COG5: variants seen among roughly 807,000 people sequenced by gnomAD.
COG5 encodes the protein conserved oligomeric Golgi complex subunit 5.
In COG5, 86 loss-of-function variants were observed where a neutral mutation model predicts 110.4. That is an observed-to-expected ratio of 0.78 (90% confidence interval 0.65 to 0.93). COG5 has a LOEUF of 0.93. Among genes scored for constraint, COG5 ranks in the 40% least tolerant of loss-of-function variants. The pLI is 0.00. For missense variants in COG5, 1,077 were observed against 987.0 expected (o/e 1.09, Z -1.22); for synonymous variants, 360 against 334.6 (o/e 1.08, Z -0.83).
At chr7:107,530,207 C>T (rs1393855640) in intron 5 of COG5, among the ~76,000 whole-genome samples, 2 of 152,196 alleles carry the variant, frequency 1.3e-5, no homozygotes, top group Non-Finnish European at 2.9e-5. Context: ...AAGCATCACC[C>T]TAATCCACAT....
intron 6 of COG5, among the ~76,000 whole-genome samples, chr7:107,511,273 G>A (rs992344086): frequency 2.8e-4 from 42 of 152,236 alleles, no homozygotes; most frequent in East Asian, 5.8e-4. Context: ...ACACCTCTAC[G>A]CAAATAAACT....
chr7:107,427,010 A>G (rs1437182780), intron 6 of COG5, among the ~76,000 whole-genome samples: 1 of 152,190 alleles, frequency 6.6e-6, no homozygotes, highest in Admixed American at 6.5e-5. Flanking sequence ...ATATCCGAGT[A>G]ATCTCTGACT....
At chr7:107,371,950 G>A (rs1436888775) in intron 8 of COG5, among the ~76,000 whole-genome samples, 1 of 152,152 alleles carries the variant, frequency 6.6e-6, no homozygotes, top group African/African-American at 2.4e-5. Flanking sequence ...AAGTAAGTAA[G>A]GATGGACATA....
rs984832683 is a variant in COG5, at chr7:107,469,743, A to G, written c.539-57111T>C. On this transcript the variant is annotated intron_variant, in intron 6 of 21. Transcript: ENST00000297135. Reference sequence around the variant, plus strand: ...TATCAAGGCTTTAGAAAGCATATATACTTTTTACTATGTAATTCTTTCCTG... The same window carrying G: ...TATCAAGGCTTTAGAAAGCATATATGCTTTTTACTATGTAATTCTTTCCTG... 2.0e-5 allele frequency among the ~76,000 whole-genome samples: 3 copies of G among 152,210 alleles called. No individual in the cohort carries two copies. In the East Asian group the frequency reaches 5.8e-4, roughly 29 times the overall value.
intron 11 of COG5, among the ~76,000 whole-genome samples, chr7:107,315,344 T>C (rs144020387): frequency 4.6e-5 from 7 of 152,282 alleles, no homozygotes; most frequent in African/African-American, 1.7e-4. Flanking sequence ...GTATCTCTTA[T>C]TCATTCTTGG....
At chr7:107,334,679 C>T (rs921413652) in intron 10 of COG5, among the ~76,000 whole-genome samples, 53 of 151,234 alleles carry the variant, frequency 3.5e-4, no homozygotes, top group African/African-American at 1.3e-3. Context: ...CTGTATTCAA[C>T]AAAGCTATGC....
chr7:107,208,776 T>C (rs1798949044), intron 21 of COG5: 3 of 985,478 alleles, frequency 3.0e-6, no homozygotes, highest in Non-Finnish European at 3.6e-6. Context: ...AGAGGGCCAG[T>C]GGCTCATGTG....
At chr7:107,285,665 C>T (rs985772522) in intron 12 of COG5, among the ~76,000 whole-genome samples, 3 of 151,922 alleles carry the variant, frequency 2.0e-5, no homozygotes, top group African/African-American at 7.3e-5. Context: ...CCAAGTATTT[C>T]CTAGGTGCAG....
At chr7:107,433,796 CA>C (rs1311360441) in intron 6 of COG5, among the ~76,000 whole-genome samples, 2 of 151,638 alleles carry the variant, frequency 1.3e-5, no homozygotes, top group Non-Finnish European at 2.9e-5. Flanking sequence ...AAATCACAGG[CA>C]AAAAAAGTTA....
At chr7:107,494,573 C>T (rs1360437458) in intron 6 of COG5, among the ~76,000 whole-genome samples, 1 of 152,082 alleles carries the variant, frequency 6.6e-6, no homozygotes, top group Non-Finnish European at 1.5e-5. Flanking sequence ...ATAGGATATA[C>T]CATATAGCCT....
intron 10 of COG5, among the ~76,000 whole-genome samples, chr7:107,358,587 G>C (rs977309487): frequency 6.6e-6 from 1 of 152,164 alleles, no homozygotes; most frequent in Admixed American, 6.5e-5. Context: ...TAGCATCTAG[G>C]AACTCAGATT....
At chr7:107,418,995 G>C (rs1793084171) in intron 6 of COG5, among the ~76,000 whole-genome samples, 1 of 152,050 alleles carries the variant, frequency 6.6e-6, no homozygotes, top group Non-Finnish European at 1.5e-5. Flanking sequence ...GGTTGGTCTT[G>C]AACTCCTGAA....
chr7:107,205,965 T>TA (rs1798743951), intron 21 of COG5, among the ~76,000 whole-genome samples: 1 of 151,676 alleles, frequency 6.6e-6, no homozygotes. Flanking sequence ...TTTTTTTTTT[T>TA]TTTTTATTTT....
At chr7:107,537,031 A>T (rs1242582517) in intron 5 of COG5, among the ~76,000 whole-genome samples, 2 of 152,214 alleles carry the variant, frequency 1.3e-5, no homozygotes, top group Non-Finnish European at 2.9e-5. Context: ...TGGGGAAAGG[A>T]TTCCCTATTT....
intron 11 of COG5, among the ~76,000 whole-genome samples, chr7:107,299,867 A>C: frequency 8.4e-6 from 1 of 118,446 alleles, no homozygotes; most frequent in Non-Finnish European, 1.9e-5. Context: ...ATCTGGAATT[A>C]TCTGGAATAT....
At chr7:107,475,372 T>G in intron 6 of COG5, 2 of 1,268,958 alleles carry the variant, frequency 1.6e-6, no homozygotes, top group Non-Finnish European at 2.2e-6. Context: ...GAGAAAAGTC[T>G]CAGTTTCACC....
rs1173977185 is a variant in COG5, at chr7:107,370,779, G to C, written c.835+1816C>G. Among the ~76,000 whole-genome samples, 3 of 99,040 alleles carry C rather than the reference G, an allele frequency of 3.0e-5. No homozygotes were observed. In the South Asian group the frequency reaches 8.6e-4, roughly 28 times the overall value. 65.0% of individuals were successfully genotyped at this position (99,040 alleles called of 152,430 possible). ...CTAGCTTGGGTGACCAGAAACTCCAGCTAAAAAAAAAAAAAAAAAAATTTA... is the reference window on the plus strand; with the variant it reads ...CTAGCTTGGGTGACCAGAAACTCCACCTAAAAAAAAAAAAAAAAAAATTTA... On this transcript the variant is annotated intron_variant, in intron 8 of 21. Transcript: ENST00000297135.
chr7:107,327,283 T>G (rs1809856438), intron 10 of COG5, among the ~76,000 whole-genome samples: 2 of 152,020 alleles, frequency 1.3e-5, no homozygotes, highest in South Asian at 4.2e-4. Context: ...ATACCATGTA[T>G]AAAAACTAAC....
chr7:107,535,968 C>T (rs546763428), intron 5 of COG5, among the ~76,000 whole-genome samples: 9 of 152,236 alleles, frequency 5.9e-5, no homozygotes, highest in South Asian at 2.1e-4. Flanking sequence ...ATGATCAACT[C>T]GGCTTAATCC....
Sources: allele counts gnomAD v4.1 joint callset (sites outside exome capture counted in the v4.1 genomes callset), GRCh38; gene constraint gnomAD v4.1.1; transcripts MANE v1.5; gene names NCBI Gene and HGNC (gene_info 2026-07-23, HGNC 2026-07-21).